SLC14A2: variants seen among roughly 807,000 people sequenced by gnomAD.
SLC14A2 encodes the protein urea transporter 2.
Under a neutral mutation model 104.6 loss-of-function variants are expected in SLC14A2, and 91 were observed. The observed-to-expected ratio is 0.87, with a 90% confidence interval of 0.73 to 1.04. The LOEUF (loss-of-function observed/expected upper bound fraction) is 1.04, where lower values mean the gene tolerates loss of function less well. SLC14A2 is among the 50% of genes least tolerant of loss of function. SLC14A2 has a pLI of 0.00. For synonymous variants in SLC14A2, 476 were observed against 466.4 expected, an observed-to-expected ratio of 1.02 and a Z score of -0.27; for missense variants, 1,189 against 1,156.0, an observed-to-expected ratio of 1.03 and a Z score of -0.41.
At chr18:45,234,309 T>C (rs2084204314) in intron 1 of SLC14A2, among the ~76,000 whole-genome samples, 1 of 152,200 alleles carries the variant, frequency 6.6e-6, no homozygotes. Context: ...TTTGGAAAAT[T>C]ACTATTTATC....
chr18:45,610,833 A>G (rs2044960504), upstream of SLC14A2, among the ~76,000 whole-genome samples: 1 of 152,184 alleles, frequency 6.6e-6, no homozygotes, highest in Non-Finnish European at 1.5e-5. Context: ...CAGATCACCA[A>G]TGAGGTGGCA....
the SLC14A2 span, among the ~76,000 whole-genome samples, chr18:45,187,871 T>A: frequency 3.2e-3 from 484 of 152,288 alleles, 2 homozygotes; most frequent in African/African-American, 0.011. Context: ...GAGGTGAGAT[T>A]GAGTCATCTT....
intron 1 of SLC14A2, among the ~76,000 whole-genome samples, chr18:45,258,121 C>A (rs1014440487): frequency 2.6e-5 from 4 of 151,836 alleles, no homozygotes; most frequent in Admixed American, 2.6e-4. Context: ...AGTTATAACC[C>A]CCAAGGCATA....
intron 2 of SLC14A2, among the ~76,000 whole-genome samples, chr18:45,530,749 G>A (rs964522241): frequency 2.6e-5 from 4 of 152,002 alleles, no homozygotes; most frequent in Non-Finnish European, 4.4e-5. Context: ...TGCACAACAT[G>A]CAGGTTTGTT....
intron 2 of SLC14A2, among the ~76,000 whole-genome samples, chr18:45,541,602 A>G (rs185558367): frequency 6.6e-6 from 1 of 152,358 alleles, no homozygotes; most frequent in East Asian, 1.9e-4. Context: ...GTTAAAATGT[A>G]ACTAGGAAGA....
chr18:45,485,129 C>G (rs1432166869), intron 2 of SLC14A2: 1 of 152,162 alleles, frequency 6.6e-6, no homozygotes, highest in Non-Finnish European at 1.5e-5. Context: ...TCGCTATGAT[C>G]ATATCTATTT....
intron 1 of SLC14A2, among the ~76,000 whole-genome samples, chr18:45,413,963 G>A (rs1032092401): frequency 2.0e-5 from 3 of 151,768 alleles, no homozygotes; most frequent in African/African-American, 4.8e-5. Flanking sequence ...AAAAAAAAAA[G>A]AAAATCACGT....
At chr18:45,482,732 C>T (rs1213335333) in intron 1 of SLC14A2, 1 of 152,188 alleles carries the variant, frequency 6.6e-6, no homozygotes, top group Admixed American at 6.5e-5. Context: ...GATATCCCAA[C>T]ACTGTGATAT....
intron 1 of SLC14A2, among the ~76,000 whole-genome samples, chr18:45,410,782 G>A (rs111237436): frequency 6.6e-5 from 10 of 152,308 alleles, no homozygotes; most frequent in East Asian, 3.9e-4. Context: ...TTCCAGCTGA[G>A]ATAAATAAAG....
chr18:45,311,323 A>T (rs889809963), intron 1 of SLC14A2, among the ~76,000 whole-genome samples: 3 of 152,140 alleles, frequency 2.0e-5, no homozygotes, highest in African/African-American at 7.2e-5. Context: ...GTCTCTACAC[A>T]CTCTAAACAC....
chr18:45,608,842 G>A (rs141022670), intron 2 of SLC14A2, among the ~76,000 whole-genome samples: 122 of 152,302 alleles, frequency 8.0e-4, no homozygotes, highest in East Asian at 5.8e-3. Context: ...CTGGTTAGGC[G>A]TGAGGGGGGC....
the SLC14A2 span, among the ~76,000 whole-genome samples, chr18:45,194,643 ATT>A: frequency 1.7e-4 from 18 of 108,824 alleles, no homozygotes; most frequent in African/African-American, 5.8e-4. Flanking sequence ...TTGGTCTGTA[ATT>A]TTTTTTTTTT....
chr18:45,313,109 T>C (rs1392112416), intron 1 of SLC14A2, among the ~76,000 whole-genome samples: 1 of 152,184 alleles, frequency 6.6e-6, no homozygotes, highest in Non-Finnish European at 1.5e-5. Flanking sequence ...TGGTCCCCTA[T>C]GGAGCTTTCA....
upstream of SLC14A2, among the ~76,000 whole-genome samples, chr18:45,211,023 A>G (rs1019764835): frequency 6.6e-6 from 1 of 152,204 alleles, no homozygotes; most frequent in Non-Finnish European, 1.5e-5. Flanking sequence ...GCAACAGGCA[A>G]TGTTTTCCTA....
intron 18 of SLC14A2, among the ~76,000 whole-genome samples, chr18:45,675,721 T>C (rs1241367192): frequency 8.3e-6 from 1 of 120,502 alleles, no homozygotes; most frequent in Non-Finnish European, 1.6e-5. Flanking sequence ...TTTTTTTTTT[T>C]TTTTTTTTGG....
intron 1 of SLC14A2, among the ~76,000 whole-genome samples, chr18:45,242,542 T>A (rs755874698): frequency 2.2e-4 from 33 of 152,192 alleles, no homozygotes; most frequent in Non-Finnish European, 4.1e-4. Context: ...TTTGATTCTA[T>A]CTTGAGTCCA....
At chr18:45,399,581 T>G (rs916322386) in intron 1 of SLC14A2, among the ~76,000 whole-genome samples, 1 of 152,170 alleles carries the variant, frequency 6.6e-6, no homozygotes, top group Non-Finnish European at 1.5e-5. Context: ...GGAAATTTCC[T>G]GGTAGTGGCT....
At position 45,667,906 on chromosome 18, in the gene SLC14A2, C is replaced by T. The variant is rs948142893; in HGVS notation, c.1791C>T (p.Pro597=). 3.1e-6 allele frequency: 5 copies of T among 1,614,008 alleles called. No homozygotes were observed. The highest frequency in any genetic ancestry group is 4.2e-6 in the Non-Finnish European group (5 of 1,179,998). ...CTCAAGTGATGTTTGTGAACAACCCCCTCAGCGGCATCCTCATCATCCTCG... is the reference window on the plus strand; with the variant it reads ...CTCAAGTGATGTTTGTGAACAACCCTCTCAGCGGCATCCTCATCATCCTCG... ...GTSQVMFVNN[P]LSGILIILGL... Residue 597 remains proline (P), a synonymous_variant, in exon 14 of 20, where the codon CCC becomes CCT. Transcript: ENST00000255226.
At chr18:45,678,892 T>C in intron 18 of SLC14A2, 83 bp from the exon 19 acceptor site, 1 of 1,254,450 alleles carries the variant, frequency 8.0e-7, no homozygotes, top group East Asian at 2.4e-5. Context: ...ATAAAATTGA[T>C]GGGAAGAGAA....
Sources: gnomAD v4.1 joint callset for allele counts (sites outside exome capture counted in the v4.1 genomes callset) on GRCh38, gnomAD v4.1.1 for gene constraint, MANE v1.5 for transcripts, NCBI Gene and HGNC (gene_info 2026-07-23, HGNC 2026-07-21) for gene names.